The following LRRTM4 variants were observed in gnomAD, a reference collection of about 807,000 sequenced individuals.
The protein encoded by LRRTM4 is leucine-rich repeat transmembrane neuronal protein 4.
Under a neutral mutation model 47.6 loss-of-function variants are expected in LRRTM4, and 25 were observed. That is an observed-to-expected ratio of 0.53 (90% CI 0.38 to 0.73). LRRTM4 has a LOEUF of 0.73. LRRTM4 is among the 30% of genes least tolerant of loss of function. The probability of loss-of-function intolerance (pLI) is 0.00; values close to 1 mark genes in which losing one functional copy is unlikely to be tolerated. For missense variants in LRRTM4, 638 were observed against 713.4 expected (o/e 0.89, Z 1.20); for synonymous variants, 311 against 269.5 (o/e 1.15, Z -1.51).
intron 3 of LRRTM4, among the ~76,000 whole-genome samples, chr2:76,810,138 A>G (rs891470318): frequency 2.0e-5 from 3 of 152,204 alleles, no homozygotes; most frequent in East Asian, 1.9e-4. Flanking sequence ...GTTAATCACT[A>G]TATTCCCAAC....
chr2:77,155,773 C>T (rs1672544405), intron 3 of LRRTM4, among the ~76,000 whole-genome samples: 2 of 151,852 alleles, frequency 1.3e-5, no homozygotes, highest in Non-Finnish European at 2.9e-5. Context: ...GTTAAATGGT[C>T]CAAAGTTACA....
chr2:77,011,323 AGTT>A (rs761967816), intron 3 of LRRTM4, among the ~76,000 whole-genome samples: 3 of 152,138 alleles, frequency 2.0e-5, no homozygotes, highest in Non-Finnish European at 4.4e-5. Flanking sequence ...AATTCAGACT[AGTT>A]GCATTTATGT....
intron 3 of LRRTM4, among the ~76,000 whole-genome samples, chr2:77,334,859 G>C (rs577115625): frequency 6.6e-6 from 1 of 152,164 alleles, no homozygotes; most frequent in Non-Finnish European, 1.5e-5. Context: ...CCACTGGGCA[G>C]TTGCCCTCAT....
At chr2:76,798,556 C>G (rs1353322098) in intron 3 of LRRTM4, among the ~76,000 whole-genome samples, 1 of 150,286 alleles carries the variant, frequency 6.7e-6, no homozygotes, top group East Asian at 1.9e-4. Context: ...AAAGCAAGAG[C>G]AAACACATTC....
chr2:76,860,772 A>G (rs1418653484), intron 3 of LRRTM4, among the ~76,000 whole-genome samples: 1 of 152,158 alleles, frequency 6.6e-6, no homozygotes, highest in African/African-American at 2.4e-5. Flanking sequence ...AAATATAAAT[A>G]CACTTCCCCA....
intron 3 of LRRTM4, among the ~76,000 whole-genome samples, chr2:76,765,062 G>T (rs112107703): frequency 7.2e-5 from 11 of 152,288 alleles, no homozygotes; most frequent in African/African-American, 2.6e-4. Context: ...GGAAAGTCAG[G>T]AATTGAGCCA....
At chr2:77,384,613 C>T (rs1673192981) in intron 3 of LRRTM4, among the ~76,000 whole-genome samples, 1 of 151,702 alleles carries the variant, frequency 6.6e-6, no homozygotes, top group South Asian at 2.1e-4. Flanking sequence ...GAAATTGAAA[C>T]TGAAAGATCA....
chr2:76,818,057 C>T (rs1418015176), intron 3 of LRRTM4, among the ~76,000 whole-genome samples: 1 of 151,790 alleles, frequency 6.6e-6, no homozygotes, highest in Non-Finnish European at 1.5e-5. Flanking sequence ...GCAATAGAAG[C>T]ATGGCAGTTG....
chr2:77,023,141 G>C (rs1220414816), intron 3 of LRRTM4, among the ~76,000 whole-genome samples: 2 of 152,244 alleles, frequency 1.3e-5, no homozygotes, highest in African/African-American at 4.8e-5. Flanking sequence ...CCAGGGCTTG[G>C]GGTTTGCACC....
chr2:77,226,713 T>C (rs190999974), intron 3 of LRRTM4, among the ~76,000 whole-genome samples: 21 of 151,362 alleles, frequency 1.4e-4, no homozygotes, highest in Non-Finnish European at 3.0e-4. Context: ...AGATTTTTGT[T>C]CTCAAGTCCA....
At chr2:76,764,548 A>C (rs1451417676) in intron 3 of LRRTM4, among the ~76,000 whole-genome samples, 1 of 152,078 alleles carries the variant, frequency 6.6e-6, no homozygotes, top group African/African-American at 2.4e-5. Flanking sequence ...GGAGACTGGC[A>C]TGAACCCGGG....
intron 3 of LRRTM4, among the ~76,000 whole-genome samples, chr2:77,071,324 TA>T (rs1191200180): frequency 2.9e-4 from 44 of 152,280 alleles, no homozygotes; most frequent in African/African-American, 5.8e-4. Flanking sequence ...GATATATGCA[TA>T]TTTTGTTATG....
intron 3 of LRRTM4, among the ~76,000 whole-genome samples, chr2:77,248,244 T>C (rs553585460): frequency 2.6e-5 from 4 of 151,784 alleles, no homozygotes; most frequent in Non-Finnish European, 5.9e-5. Flanking sequence ...TGTGTTTGTA[T>C]ATGTTTTTAA....
At chr2:77,488,915 C>T (rs762494092) in intron 3 of LRRTM4, among the ~76,000 whole-genome samples, 4 of 151,314 alleles carry the variant, frequency 2.6e-5, no homozygotes, top group Non-Finnish European at 5.9e-5. Context: ...ATACATGTGC[C>T]ATGCAGCACA....
chr2:76,921,291 T>G (rs1674425132), intron 3 of LRRTM4, among the ~76,000 whole-genome samples: 1 of 152,118 alleles, frequency 6.6e-6, no homozygotes, highest in Non-Finnish European at 1.5e-5. Context: ...ATGATTAGGC[T>G]GGGGTTGTGT....
intron 3 of LRRTM4, among the ~76,000 whole-genome samples, chr2:77,096,002 T>G (rs1207973936): frequency 6.6e-6 from 1 of 152,036 alleles, no homozygotes; most frequent in Non-Finnish European, 1.5e-5. Context: ...ACTTCAAAAT[T>G]GCTTAAAAAA....
chr2:76,796,756 C>A (rs1247792372), intron 3 of LRRTM4, among the ~76,000 whole-genome samples: 1 of 151,652 alleles, frequency 6.6e-6, no homozygotes, highest in African/African-American at 2.4e-5. Flanking sequence ...CAGAGCACCT[C>A]TCCTCCTCCA....
intron 3 of LRRTM4, among the ~76,000 whole-genome samples, chr2:76,808,616 C>G (rs1670634036): frequency 6.6e-6 from 1 of 152,044 alleles, no homozygotes; most frequent in South Asian, 2.1e-4. Context: ...CATTTTTTAT[C>G]TTTTAGCACA....
chr2:77,343,983 A>G (rs1209941751), intron 3 of LRRTM4, among the ~76,000 whole-genome samples: 1 of 151,870 alleles, frequency 6.6e-6, no homozygotes, highest in African/African-American at 2.4e-5. Context: ...AAATAGAACG[A>G]AGGATACGAT....
Sources: allele counts gnomAD v4.1 joint callset (sites outside exome capture counted in the v4.1 genomes callset), GRCh38; gene constraint gnomAD v4.1.1; transcripts MANE v1.5; gene names NCBI Gene and HGNC (gene_info 2026-07-23, HGNC 2026-07-21).